MYO3B: variants seen among roughly 807,000 people sequenced by gnomAD.
MYO3B encodes the protein myosin IIIB.
Under a neutral mutation model 174.6 loss-of-function variants are expected in MYO3B, and 156 were observed. The observed-to-expected ratio is 0.89, with a 90% confidence interval of 0.78 to 1.02. The LOEUF is 1.02. Among genes scored for constraint, MYO3B ranks in the 50% least tolerant of loss-of-function variants. The pLI is 0.00. For synonymous variants in MYO3B, 563 were observed against 569.1 expected (o/e 0.99, Z 0.15); for missense variants, 1,632 against 1,639.4 (o/e 1.00, Z 0.08).
intron 1 of MYO3B, among the ~76,000 whole-genome samples, chr2:170,187,933 G>A (rs911040929): frequency 1.3e-5 from 2 of 152,212 alleles, no homozygotes; most frequent in Non-Finnish European, 2.9e-5. Flanking sequence ...GGGAAAATGT[G>A]TATTCTGCAG....
chr2:170,622,995 CAA>C (rs1333362311), intron 32 of MYO3B, among the ~76,000 whole-genome samples: 3 of 152,146 alleles, frequency 2.0e-5, no homozygotes, highest in Non-Finnish European at 4.4e-5. Context: ...GGGTTGGTCC[CAA>C]GTCTTTACTA....
At chr2:170,497,240 T>C (rs1018578724) in intron 25 of MYO3B, among the ~76,000 whole-genome samples, 2 of 136,244 alleles carry the variant, frequency 1.5e-5, no homozygotes, top group African/African-American at 5.3e-5. Flanking sequence ...TTTCCTCAGT[T>C]AATTACCATT....
chr2:170,655,075 T>TAAC lies in MYO3B; in HGVS notation c.*1955_*1957dup, dbSNP rs1441205945. 1 of 152,210 alleles carries TAAC rather than the reference T, an allele frequency of 6.6e-6. No homozygotes were observed. Among genetic ancestry groups the TAAC allele is most frequent in the African/African-American group, 2.4e-5 (1 of 41,452 alleles). 9.4% of individuals were successfully genotyped at this position (152,210 alleles called of 1,614,324 possible). A position where few individuals can be genotyped will look rare whatever the true frequency, so the allele number is the denominator to read the frequency against. On this transcript the variant is annotated 3_prime_UTR_variant, in exon 35 of 35. Coordinates refer to ENST00000408978, the MANE Select transcript of MYO3B (RefSeq NM_138995.5). ...TCAAATTGTTGAATGGAAATGTTCATAACTCCCTGCTTGTCCGTGCACAAT... is the reference window on the plus strand; with the variant it reads ...TCAAATTGTTGAATGGAAATGTTCATAACAACTCCCTGCTTGTCCGTGCACAAT...
intron 30 of MYO3B, among the ~76,000 whole-genome samples, chr2:170,537,176 G>A (rs1296985409): frequency 2.8e-5 from 4 of 141,002 alleles, no homozygotes; most frequent in South Asian, 2.3e-4. Context: ...GCTCCAGCCC[G>A]GGTGACAGTG....
chr2:170,505,442 A>G (rs1161769884), intron 28 of MYO3B, among the ~76,000 whole-genome samples: 1 of 152,226 alleles, frequency 6.6e-6, no homozygotes, highest in Non-Finnish European at 1.5e-5. Context: ...TGTACATATT[A>G]GTGTTCAAAT....
intron 6 of MYO3B, among the ~76,000 whole-genome samples, chr2:170,230,214 G>T (rs1238718657): frequency 2.7e-5 from 4 of 147,774 alleles, no homozygotes; most frequent in African/African-American, 1.0e-4. Flanking sequence ...CTGTTACCCA[G>T]GCTGGAGTGC....
At chr2:170,630,712 G>A (rs900245492) in intron 32 of MYO3B, among the ~76,000 whole-genome samples, 7 of 152,168 alleles carry the variant, frequency 4.6e-5, no homozygotes, top group African/African-American at 1.7e-4. Context: ...GGAAGGATCA[G>A]GCAGCAACAT....
intron 32 of MYO3B, among the ~76,000 whole-genome samples, chr2:170,557,537 T>A (rs1023924695): frequency 6.6e-6 from 1 of 152,220 alleles, no homozygotes; most frequent in Non-Finnish European, 1.5e-5. Flanking sequence ...TAATAAAATA[T>A]ACCTTTATTC....
intron 7 of MYO3B, among the ~76,000 whole-genome samples, chr2:170,240,698 C>T (rs1333906202): frequency 6.6e-6 from 1 of 152,134 alleles, no homozygotes; most frequent in Non-Finnish European, 1.5e-5. Flanking sequence ...TATCTTTCCT[C>T]CTCCCAATTT....
intron 32 of MYO3B, among the ~76,000 whole-genome samples, chr2:170,648,886 T>TA (rs1698620482): frequency 6.7e-5 from 5 of 75,012 alleles, no homozygotes; most frequent in African/African-American, 1.5e-4. Context: ...ATTCTATATA[T>TA]TATATATGAA....
chr2:170,266,089 G>A (rs1294399522), intron 7 of MYO3B, among the ~76,000 whole-genome samples: 1 of 152,014 alleles, frequency 6.6e-6, no homozygotes, highest in Admixed American at 6.6e-5. Flanking sequence ...GAATACTCAG[G>A]ATGGGTAATC....
chr2:170,538,002 T>A (rs950708898), intron 30 of MYO3B, among the ~76,000 whole-genome samples: 1 of 152,204 alleles, frequency 6.6e-6, no homozygotes, highest in South Asian at 2.1e-4. Context: ...TAACTTATAA[T>A]TGATAAAAGA....
At chr2:170,390,759 C>T (rs906869106) in intron 14 of MYO3B, among the ~76,000 whole-genome samples, 20 of 152,068 alleles carry the variant, frequency 1.3e-4, no homozygotes, top group African/African-American at 4.8e-4. Context: ...TGCTAAGGGA[C>T]CACTTTTTAA....
intron 7 of MYO3B, among the ~76,000 whole-genome samples, chr2:170,238,723 G>A (rs575447721): frequency 2.0e-5 from 3 of 151,282 alleles, no homozygotes; most frequent in South Asian, 4.2e-4. Flanking sequence ...AGTTAATGAA[G>A]TGCTGGTTAC....
chr2:170,494,574 A>G (rs1301781384), intron 25 of MYO3B, among the ~76,000 whole-genome samples: 1 of 151,946 alleles, frequency 6.6e-6, no homozygotes, highest in Non-Finnish European at 1.5e-5. Context: ...CTAAAAATAC[A>G]AAGGTTAGCC....
chr2:170,391,478 G>A, intron 14 of MYO3B, 42 bp from the exon 15 acceptor site: 2 of 972,086 alleles, frequency 2.1e-6, no homozygotes, highest in Non-Finnish European at 3.0e-6. Flanking sequence ...TTGGGATGGG[G>A]AAGCCAGAAT....
At chr2:170,461,976 G>C (rs945062884) in intron 23 of MYO3B, among the ~76,000 whole-genome samples, 1 of 152,222 alleles carries the variant, frequency 6.6e-6, no homozygotes, top group Non-Finnish European at 1.5e-5. Context: ...AACCTCACCA[G>C]CTCTGAGTTC....
intron 25 of MYO3B, among the ~76,000 whole-genome samples, chr2:170,474,453 A>G (rs528295111): frequency 6.6e-6 from 1 of 151,948 alleles, no homozygotes. Flanking sequence ...ATAGGCATCC[A>G]TGGCTGGACA....
chr2:170,589,937 C>A (rs549674987), intron 32 of MYO3B, among the ~76,000 whole-genome samples: 2 of 152,214 alleles, frequency 1.3e-5, no homozygotes, highest in South Asian at 4.2e-4. Context: ...TTTACTGTGC[C>A]TTTTCTATGT....
Sources: allele counts gnomAD v4.1 joint callset (sites outside exome capture counted in the v4.1 genomes callset), GRCh38; gene constraint gnomAD v4.1.1; transcripts MANE v1.5; gene names NCBI Gene and HGNC (gene_info 2026-07-23, HGNC 2026-07-21).